PLB1: variants seen among roughly 807,000 people sequenced by gnomAD.
PLB1 encodes phospholipase B1.
Under a neutral mutation model 227.4 loss-of-function variants are expected in PLB1, and 242 were observed. The ratio of observed to expected loss-of-function variants is 1.06; its 90% CI spans 0.96 to 1.18. The LOEUF is 1.18. Ranked by LOEUF, PLB1 falls within the 50% of genes most tolerant of loss-of-function variation. PLB1 has a pLI of 0.00. For synonymous variants in PLB1, 757 were observed against 682.2 expected (o/e 1.11, Z -1.71); for missense variants, 1,858 against 1,816.3 (o/e 1.02, Z -0.42).
chr2:28,623,811 A>T (rs1016688053), intron 49 of PLB1, among the ~76,000 whole-genome samples: 17 of 152,216 alleles, frequency 1.1e-4, no homozygotes, highest in African/African-American at 4.1e-4. Context: ...TGTTAAAAGG[A>T]TATAATTTGG....
chr2:28,566,743 C>A (rs1259274779), intron 19 of PLB1, 53 bp from the exon 20 acceptor site: 1 of 1,597,778 alleles, frequency 6.3e-7, no homozygotes, highest in Non-Finnish European at 8.6e-7. Flanking sequence ...TGAAGGGTCT[C>A]GGCGTGGCTG....
chr2:28,626,597 CGAGCTCCTTGCTCAT>C (rs752513295), intron 51 of PLB1, 89 bp downstream of exon 51: 15 of 656,648 alleles, frequency 2.3e-5, no homozygotes, highest in South Asian at 1.7e-4. Flanking sequence ...GGCCCTGCCC[CGAGCTCCTTGCTCAT>C]GGGAACCACA....
chr2:28,636,031 G>GTGTGTGTATGAATGTGTGTA lies in PLB1; in HGVS notation c.4098+2999_4098+3000insATGAATGTGTGTATGTGTGT, dbSNP rs1553467752. Among the ~76,000 whole-genome samples, 862 of 125,072 alleles carry GTGTGTGTATGAATGTGTGTA rather than the reference G, an allele frequency of 6.9e-3. 14 individuals are homozygous for GTGTGTGTATGAATGTGTGTA. The highest frequency in any genetic ancestry group is 0.023 in the African/African-American group (829 of 35,848). The allele number at this position is 125,072 out of a possible 152,430, so 82.1% of individuals were successfully genotyped here. On this transcript the variant is annotated intron_variant, in intron 56 of 57. Transcript: ENST00000327757. ...TATGTATGTATGAATGTGTGTGTAT[G>GTGTGTGTATGAATGTGTGTA]TGTGTGTGTGTATGTATGTGTATGT...
chr2:28,614,458 G>A (rs1211884223), intron 44 of PLB1, among the ~76,000 whole-genome samples: 1 of 152,152 alleles, frequency 6.6e-6, no homozygotes, highest in Non-Finnish European at 1.5e-5. Flanking sequence ...AGGCTGAGTG[G>A]GAGGGAACTA....
intron 21 of PLB1, 101 bp from the exon 22 acceptor site, chr2:28,578,006 C>T (rs1047346272): frequency 8.5e-7 from 1 of 1,182,720 alleles, no homozygotes; most frequent in Non-Finnish European, 1.3e-6. Flanking sequence ...GGAGGCCCAC[C>T]CTGGGCCTTC....
intron 11 of PLB1, 60 bp downstream of exon 11, chr2:28,539,238 G>A (rs1274379788): frequency 4.1e-6 from 6 of 1,449,594 alleles, no homozygotes; most frequent in African/African-American, 1.4e-5. Context: ...TGTGCGGCCT[G>A]TGGGGGCCCT....
At chr2:28,585,566 C>T (rs779932944) in intron 25 of PLB1, 195 bp from the exon 26 acceptor site, 20 of 541,536 alleles carry the variant, frequency 3.7e-5, no homozygotes, top group East Asian at 2.0e-4. Flanking sequence ...CGTGAGCCAC[C>T]GCGCCTGGCC....
chr2:28,572,522 G>A (rs72791676), intron 20 of PLB1, among the ~76,000 whole-genome samples: 11,961 of 152,256 alleles, frequency 0.079, 669 homozygotes, highest in Non-Finnish European at 0.12. Context: ...ACTGAAGAAT[G>A]GATAAATAAA....
At chr2:28,541,049 C>T (rs1187975835) in intron 12 of PLB1, among the ~76,000 whole-genome samples, 4 of 152,106 alleles carry the variant, frequency 2.6e-5, no homozygotes, top group African/African-American at 7.2e-5. Flanking sequence ...CATGCACCTA[C>T]AGTCCCACCT....
intron 1 of PLB1, among the ~76,000 whole-genome samples, chr2:28,511,494 G>C (rs1249430577): frequency 6.6e-6 from 1 of 152,058 alleles, no homozygotes; most frequent in Non-Finnish European, 1.5e-5. Flanking sequence ...CATCACCAAC[G>C]TCCCAACTGG....
intron 44 of PLB1, among the ~76,000 whole-genome samples, chr2:28,615,997 C>T (rs1686148493): frequency 6.6e-6 from 1 of 152,190 alleles, no homozygotes; most frequent in Non-Finnish European, 1.5e-5. Flanking sequence ...ACTACATGTT[C>T]TCACCATATG....
intron 16 of PLB1, among the ~76,000 whole-genome samples, chr2:28,551,214 T>G (rs58196494): frequency 0.25 from 38,112 of 152,200 alleles, 5,055 homozygotes; most frequent in East Asian, 0.52. Context: ...ACCCAGATTG[T>G]GTGGAGCTCG....
Position 28,527,718 on chromosome 2 carries a change from A to G in PLB1, c.326-1599A>G, listed in dbSNP as rs1046830515. Among the ~76,000 whole-genome samples, 3 of 152,202 alleles carry G rather than the reference A, an allele frequency of 2.0e-5. No homozygotes were observed. In the East Asian group the frequency reaches 5.8e-4, roughly 29 times the overall value. On this transcript the variant is annotated intron_variant, in intron 6 of 57. Transcript: ENST00000327757. ...GTTCTCACCCCACTGCTGCCAGGGAACTTGGAGGCAGTGAGGACAGACCAA... is the reference window on the plus strand; with the variant it reads ...GTTCTCACCCCACTGCTGCCAGGGAGCTTGGAGGCAGTGAGGACAGACCAA...
intron 30 of PLB1, 123 bp from the exon 31 acceptor site, chr2:28,591,577 G>T: frequency 1.0e-6 from 1 of 982,868 alleles, no homozygotes. Flanking sequence ...GCCCTTTTGA[G>T]GCCCCTCCCT....
intron 5 of PLB1, 100 bp from the exon 6 acceptor site, chr2:28,525,805 G>C (rs1670167503): frequency 1.4e-6 from 2 of 1,435,312 alleles, no homozygotes; most frequent in East Asian, 4.6e-5. Context: ...AGCAAGGCTA[G>C]GCCAAAGACT....
At position 28,614,090 on chromosome 2, in the gene PLB1, C is replaced by G. The variant is rs1307105670; in HGVS notation, c.3189C>G (p.Ala1063=). 6.2e-7 allele frequency: 1 copy of G among 1,611,986 alleles called. No individual in the cohort carries two copies. The highest frequency in any genetic ancestry group is 2.2e-5 in the East Asian group (1 of 44,862). ...NSNYTYPIKP[A]IENWGSDFLC... is the part of the protein sequence containing the mutation. Reference sequence around the variant, plus strand: ...ACTACACGTACCCCATCAAGCCAGCCATTGAGGTAACCCCTGACTCACATC... The same window carrying G: ...ACTACACGTACCCCATCAAGCCAGCGATTGAGGTAACCCCTGACTCACATC... Residue 1063 remains alanine, a synonymous_variant, in exon 44 of 58, where the codon GCC becomes GCG. Transcript: ENST00000327757.
intron 9 of PLB1, among the ~76,000 whole-genome samples, chr2:28,535,719 A>G (rs925508704): frequency 1.3e-5 from 2 of 152,110 alleles, no homozygotes; most frequent in Admixed American, 6.5e-5. Context: ...TTAGGAGTTC[A>G]AGACCAGCCT....
chr2:28,565,392 T>C, intron 19 of PLB1, 39 bp downstream of exon 19: 1 of 1,559,882 alleles, frequency 6.4e-7, no homozygotes, highest in Non-Finnish European at 8.7e-7. Flanking sequence ...GGCCCCTTCA[T>C]TGCAGAGCAA....
At chr2:28,535,916 T>C (rs1671623149) in intron 9 of PLB1, among the ~76,000 whole-genome samples, 1 of 152,012 alleles carries the variant, frequency 6.6e-6, no homozygotes, top group African/African-American at 2.4e-5. Flanking sequence ...TGAGACTCTG[T>C]CTTTAAAAAC....
Sources: allele counts gnomAD v4.1 joint callset (sites outside exome capture counted in the v4.1 genomes callset), GRCh38; gene constraint gnomAD v4.1.1; transcripts MANE v1.5; gene names NCBI Gene and HGNC (gene_info 2026-07-23, HGNC 2026-07-21).